GRID2: variants seen among roughly 807,000 people sequenced by gnomAD.
GRID2 encodes the protein glutamate receptor ionotropic, delta-2.
A neutral mutation model predicts 114.8 loss-of-function variants in GRID2; 33 were observed. That is an observed-to-expected ratio of 0.29 (90% CI 0.22 to 0.38). The LOEUF (loss-of-function observed/expected upper bound fraction) is 0.38. GRID2 is among the 10% of genes least tolerant of loss of function. The pLI is 1.00. For synonymous variants in GRID2, 505 were observed against 449.9 expected (o/e 1.12, Z -1.55); for missense variants, 1,184 against 1,257.7 (o/e 0.94, Z 0.89).
At chr4:92,824,876 G>T (rs2149391589) in intron 2 of GRID2, among the ~76,000 whole-genome samples, 1 of 152,116 alleles carries the variant, frequency 6.6e-6, no homozygotes, top group Non-Finnish European at 1.5e-5. Context: ...AAAATAGGTT[G>T]TTAGAAAAAC....
In GRID2 at chr4:92,384,388, C is replaced by A. The variant is rs557945010; in HGVS notation, c.88+79644C>A. Among the ~76,000 whole-genome samples the A allele has an allele frequency of 2.2e-3, 238 of 110,056 alleles. 1 individual carries two copies. Among genetic ancestry groups the A allele is most frequent in the Non-Finnish European group, 3.4e-3 (188 of 55,872 alleles). The allele number at this position is 110,056 out of a possible 152,430, so 72.2% of individuals were successfully genotyped here. Reference sequence around the variant, plus strand: ...GTGAATCAGCCATTGTGGATAATGTCATATATACTAACAGAGGAAAGAAGT... The same window carrying A: ...GTGAATCAGCCATTGTGGATAATGTAATATATACTAACAGAGGAAAGAAGT... On this transcript the variant is annotated intron_variant, in intron 1 of 15. Transcript: ENST00000282020.
At chr4:93,293,133 C>T (rs952083804) in intron 8 of GRID2, among the ~76,000 whole-genome samples, 6 of 152,106 alleles carry the variant, frequency 3.9e-5, no homozygotes, top group South Asian at 2.1e-4. Context: ...CCCAGGTGCA[C>T]GGCATGTTCT....
At chr4:93,619,118 A>G (rs1741979739) in intron 13 of GRID2, among the ~76,000 whole-genome samples, 1 of 152,190 alleles carries the variant, frequency 6.6e-6, no homozygotes. Context: ...TATGATAACT[A>G]TGTCAGAGCA....
At chr4:92,709,135 C>A (rs1240644396) in intron 2 of GRID2, among the ~76,000 whole-genome samples, 2 of 152,076 alleles carry the variant, frequency 1.3e-5, no homozygotes, top group African/African-American at 4.8e-5. Context: ...AGAGAAAAAA[C>A]AAATTATCTT....
chr4:93,252,586 T>A (rs1369017674), intron 8 of GRID2, among the ~76,000 whole-genome samples: 2 of 152,156 alleles, frequency 1.3e-5, no homozygotes, highest in Non-Finnish European at 2.9e-5. Context: ...TAAAATAGTT[T>A]TTCCTATTTC....
Position 93,294,705 on chromosome 4 carries a change from C to T in GRID2, c.1245+56215C>T, listed in dbSNP as rs575615494. Among the ~76,000 whole-genome samples, 224 of 152,062 alleles carry T rather than the reference C, an allele frequency of 1.5e-3. 2 individuals are homozygous for T. The highest frequency in any genetic ancestry group is 2.0e-3 in the Non-Finnish European group (137 of 67,968). ...TCCCGAGTAGCTGGGATTACAGGCA[C>T]GTACCACCATGCCCAGGTAAATTTT... On this transcript the variant is annotated intron_variant, in intron 8 of 15. Coordinates refer to ENST00000282020, the MANE Select transcript of GRID2 (RefSeq NM_001510.4).
At chr4:92,735,689 A>T (rs1043339700) in intron 2 of GRID2, among the ~76,000 whole-genome samples, 3 of 152,058 alleles carry the variant, frequency 2.0e-5, no homozygotes, top group Non-Finnish European at 4.4e-5. Context: ...CTTCTTTTTC[A>T]ATTGTATGAA....
intron 9 of GRID2, among the ~76,000 whole-genome samples, chr4:93,413,464 T>C (rs1293964932): frequency 6.6e-6 from 1 of 152,186 alleles, no homozygotes. Context: ...ACTTTTTTAT[T>C]GTGAATTTGT....
At chr4:93,065,942 C>G (rs912084275) in intron 2 of GRID2, among the ~76,000 whole-genome samples, 3 of 151,888 alleles carry the variant, frequency 2.0e-5, no homozygotes, top group African/African-American at 7.2e-5. Context: ...GTATCAGTCA[C>G]TGCTCTAAGA....
At position 93,110,941 on chromosome 4, in the gene GRID2, C is replaced by T. The variant is rs1449402853; in HGVS notation, c.723C>T (p.Ser241=). 4 of 1,604,962 alleles carry T rather than the reference C, an allele frequency of 2.5e-6. No homozygotes were observed. The South Asian group carries it at 4.4e-5, about 18-fold the overall frequency. The change falls in exon 4 of 16, where the codon TCC becomes TCT. Residue 241 remains serine, a synonymous_variant. Transcript: ENST00000282020. ...TTATGAATCCTGCTACAGCCAAATCCTTCATTACTGAGGTAAGTGAAAATT... is the reference window on the plus strand; with the variant it reads ...TTATGAATCCTGCTACAGCCAAATCTTTCATTACTGAGGTAAGTGAAAATT... ...ILVMNPATAK[S]FITEVVETNL...
chr4:92,825,251 C>T (rs1443139809), intron 2 of GRID2, among the ~76,000 whole-genome samples: 1 of 152,126 alleles, frequency 6.6e-6, no homozygotes, highest in Admixed American at 6.6e-5. Flanking sequence ...ATCCTATGAA[C>T]TCAAGGATGA....
chr4:92,904,540 G>A (rs1311487228), intron 2 of GRID2, among the ~76,000 whole-genome samples: 1 of 151,718 alleles, frequency 6.6e-6, no homozygotes, highest in Non-Finnish European at 1.5e-5. Context: ...AAGCCCATAG[G>A]GTGACTGTGG....
At chr4:93,199,104 G>T (rs532271681) in intron 4 of GRID2, among the ~76,000 whole-genome samples, 2 of 152,126 alleles carry the variant, frequency 1.3e-5, no homozygotes, top group Admixed American at 6.5e-5. Context: ...GGTAAAATAG[G>T]CAAGGGATGA....
intron 8 of GRID2, among the ~76,000 whole-genome samples, chr4:93,312,400 A>T (rs2149190453): frequency 6.6e-6 from 1 of 152,302 alleles, no homozygotes; most frequent in Non-Finnish European, 1.5e-5. Flanking sequence ...TTTCCTCCAG[A>T]CATAGCTGGC....
At chr4:92,980,632 T>G (rs1754133766) in intron 2 of GRID2, among the ~76,000 whole-genome samples, 1 of 152,094 alleles carries the variant, frequency 6.6e-6, no homozygotes, top group South Asian at 2.1e-4. Context: ...GTCATAATTT[T>G]TATCATTTGT....
At chr4:92,662,952 A>G (rs1431853985) in intron 2 of GRID2, among the ~76,000 whole-genome samples, 1 of 151,104 alleles carries the variant, frequency 6.6e-6, no homozygotes, top group Non-Finnish European at 1.5e-5. Flanking sequence ...CTAAGAAGTT[A>G]CTTGCTATTT....
chr4:92,644,078 TA>T (rs201164749), intron 2 of GRID2, among the ~76,000 whole-genome samples: 1,801 of 151,766 alleles, frequency 0.012, 37 homozygotes, highest in African/African-American at 0.041. Flanking sequence ...CTGACATGAT[TA>T]AAAAATAACA....
chr4:92,580,236 A>T (rs1560469774), intron 1 of GRID2, among the ~76,000 whole-genome samples: 1 of 151,532 alleles, frequency 6.6e-6, no homozygotes, highest in African/African-American at 2.4e-5. Context: ...TTCCCTGGAA[A>T]TATCTGTATA....
intron 14 of GRID2, among the ~76,000 whole-genome samples, chr4:93,662,260 C>T (rs1190129197): frequency 6.6e-6 from 1 of 152,154 alleles, no homozygotes; most frequent in Non-Finnish European, 1.5e-5. Flanking sequence ...TCCCTGCCAA[C>T]TCTGGTTCTC....
Sources: gnomAD v4.1 joint callset for allele counts (sites outside exome capture counted in the v4.1 genomes callset) on GRCh38, gnomAD v4.1.1 for gene constraint, MANE v1.5 for transcripts, NCBI Gene and HGNC (gene_info 2026-07-23, HGNC 2026-07-21) for gene names.